ZNF714: variants seen among roughly 807,000 people sequenced by gnomAD.
ZNF714 encodes the protein zinc finger protein 714.
In ZNF714, 32 loss-of-function variants were observed where a neutral mutation model predicts 46.2. That is an observed-to-expected ratio of 0.69 (90% CI 0.52 to 0.93). The LOEUF (loss-of-function observed/expected upper bound fraction) is 0.93. Among genes scored for constraint, ZNF714 ranks in the 40% least tolerant of loss-of-function variants. ZNF714 has a pLI of 0.00. For missense variants in ZNF714, 635 were observed against 646.3 expected, an observed-to-expected ratio of 0.98 and a Z score of 0.19; for synonymous variants, 199 against 213.1, an observed-to-expected ratio of 0.93 and a Z score of 0.58.
At chr19:21,114,198 G>C (rs1168427510) in intron 4 of ZNF714, among the ~76,000 whole-genome samples, 1 of 151,970 alleles carries the variant, frequency 6.6e-6, no homozygotes, top group Admixed American at 6.6e-5. Context: ...CAGCACTTTG[G>C]GAGGCCAAGG....
At chr19:21,088,926 T>A (rs1423704136) in intron 2 of ZNF714, among the ~76,000 whole-genome samples, 1 of 152,176 alleles carries the variant, frequency 6.6e-6, no homozygotes, top group African/African-American at 2.4e-5. Context: ...AAGGGAAGTC[T>A]TATTTCTCAG....
intron 4 of ZNF714, among the ~76,000 whole-genome samples, chr19:21,113,677 T>C (rs1969516871): frequency 1.3e-5 from 2 of 151,956 alleles, no homozygotes; most frequent in African/African-American, 4.8e-5. Flanking sequence ...TGGCTAATTT[T>C]TTTTGTATTT....
At chr19:21,116,376 C>T (rs571099361) in intron 4 of ZNF714, among the ~76,000 whole-genome samples, 15 of 152,012 alleles carry the variant, frequency 9.9e-5, no homozygotes, top group Admixed American at 6.6e-4. Flanking sequence ...CTTTATGTTA[C>T]GGGAGACCAG....
chr19:21,121,149 A>T lies in ZNF714; in HGVS notation c.*2817A>T, dbSNP rs1946738623. ...CGGGTTCACGCCATTTTCCTGCCTC[A>T]GCCTCCCAAGCAGCTAGGACTACAG... On this transcript the variant is annotated 3_prime_UTR_variant, in exon 5 of 5. Transcript: ENST00000456283. The T allele has an allele frequency of 6.6e-6, 1 of 152,178 alleles. No individual in the cohort carries two copies. The highest frequency in any genetic ancestry group is 2.4e-5 in the African/African-American group (1 of 41,424). The allele number at this position is 152,178 out of a possible 1,614,324, so 9.4% of individuals were successfully genotyped here.
rs1444753389 is a variant in ZNF714, at chr19:21,117,845, A to G, written c.1181A>G (p.Glu394Gly). The G allele has an allele frequency of 1.2e-6, 2 of 1,612,360 alleles. No individual in the cohort carries two copies. Among genetic ancestry groups the G allele is most frequent in the East Asian group, 2.2e-5 (1 of 44,858 alleles). ...LTIHKIIHTG[E>G]KPYKCEECGK... The stretch of plus-strand genomic sequence containing the variant: ...ATACATAAGATAATTCATACTGGAG[A>G]GAAACCTTACAAATGTGAAGAATGT... The change falls in exon 5 of 5, where the codon GAG (glutamate) becomes GGG (glycine). Residue 394 changes from glutamate (E) to glycine (G), a missense_variant. Physicochemically the swap from Glu to Gly is moderately conservative, Grantham distance 98. Coordinates refer to ENST00000456283, the MANE Select transcript of ZNF714 (RefSeq NM_182515.4).
In ZNF714 at chr19:21,093,810, C is replaced by T. The variant is rs145918150; in HGVS notation, c.-84-4375C>T. Among the ~76,000 whole-genome samples, 637 of 147,842 alleles carry T rather than the reference C, an allele frequency of 4.3e-3. 6 individuals carry two copies. Among genetic ancestry groups the T allele is most frequent in the African/African-American group, 0.015 (585 of 40,132 alleles). ...ATACCCAGTTAACTTCTTTTTCTAT[C>T]GTTTGTAGAGATGGGGTTTTGTCAT... On this transcript the variant is annotated intron_variant, in intron 2 of 4. Coordinates refer to ENST00000456283, the MANE Select transcript of ZNF714 (RefSeq NM_182515.4).
chr19:21,096,760 A>T (rs1004927006), intron 2 of ZNF714, among the ~76,000 whole-genome samples: 4 of 152,194 alleles, frequency 2.6e-5, no homozygotes, highest in African/African-American at 9.7e-5. Context: ...CTTAGTAAAG[A>T]TGGAGAACAT....
chr19:21,098,997 A>C (rs1969108923), intron 4 of ZNF714, 87 bp downstream of exon 4: 10 of 827,530 alleles, frequency 1.2e-5, no homozygotes, highest in Non-Finnish European at 1.6e-5. Context: ...TTACAATGTG[A>C]TTTGGGAAGC....
rs139038996 is a variant in ZNF714 at position 21,119,400 on chromosome 19, TA to T, written c.*1078del. On this transcript the variant is annotated 3_prime_UTR_variant, in exon 5 of 5. Transcript: ENST00000456283. ...ACAGAGCAAGACTCCATCTAAAAAG[TA>T]AAAAAAAAAGAAAATATGAACTTTA... is the stretch of plus-strand genomic sequence containing the variant. 5.9e-3 allele frequency: 934 copies of T among 159,248 alleles called. 2 individuals are homozygous for T. The highest frequency in any genetic ancestry group is 0.014 in the South Asian group (103 of 7,282). The allele number at this position is 159,248 out of a possible 1,614,324, so 9.9% of individuals were successfully genotyped here. A position where few individuals can be genotyped will look rare whatever the true frequency, so the allele number is the denominator to read the frequency against.
chr19:21,098,988 T>A (rs1030491669), intron 4 of ZNF714, 78 bp downstream of exon 4: 16 of 847,788 alleles, frequency 1.9e-5, no homozygotes, highest in Non-Finnish European at 2.8e-5. Context: ...AGCCGGCCCT[T>A]ACAATGTGAT....
At chr19:21,086,654 T>C (rs1373655817) in intron 2 of ZNF714, among the ~76,000 whole-genome samples, 3 of 152,222 alleles carry the variant, frequency 2.0e-5, no homozygotes, top group Non-Finnish European at 4.4e-5. Flanking sequence ...TTAAAACTTG[T>C]ATCTTTTGCT....
intron 4 of ZNF714, among the ~76,000 whole-genome samples, chr19:21,105,291 G>A (rs890209347): frequency 1.3e-5 from 2 of 151,622 alleles, no homozygotes; most frequent in Non-Finnish European, 2.9e-5. Context: ...AAAGTGCTGG[G>A]ATTACCTGCG....
At position 21,100,934 on chromosome 19, in the gene ZNF714, G is replaced by C. The variant is rs772909005; in HGVS notation, c.142+2024G>C. Among the ~76,000 whole-genome samples, 20 of 152,082 alleles carry C rather than the reference G, an allele frequency of 1.3e-4. 1 individual carries two copies. Among genetic ancestry groups the C allele is most frequent in the Admixed American group, 6.5e-4 (10 of 15,268 alleles). ...CTATGTTGGCCAGGCTGTTCTTGAA[G>C]TCCTGACCTCGTGATTTGCCCGCCT... On this transcript the variant is annotated intron_variant, in intron 4 of 4. Transcript: ENST00000456283.
chr19:21,089,845 C>T (rs1268974422), intron 2 of ZNF714, among the ~76,000 whole-genome samples: 1 of 119,810 alleles, frequency 8.3e-6, no homozygotes. Context: ...ATTTTTTTTA[C>T]CATTCATTCC....
intron 4 of ZNF714, among the ~76,000 whole-genome samples, chr19:21,108,785 G>C (rs183694007): frequency 5.5e-4 from 84 of 152,184 alleles, no homozygotes; most frequent in Admixed American, 1.4e-3. Flanking sequence ...TCTGTTTTCT[G>C]TTTTCTTATT....
chr19:21,100,253 G>A (rs946951728), intron 4 of ZNF714, among the ~76,000 whole-genome samples: 3 of 151,964 alleles, frequency 2.0e-5, no homozygotes, highest in Non-Finnish European at 4.4e-5. Flanking sequence ...GCCAGCCGCA[G>A]TGTCTCACAC....
Position 21,117,779 on chromosome 19 carries a change from A to T in ZNF714, c.1115A>T (p.Glu372Val). The T allele has an allele frequency of 6.2e-7, 1 of 1,613,668 alleles. No homozygotes were observed. The highest frequency in any genetic ancestry group is 8.5e-7 in the Non-Finnish European group (1 of 1,179,944). Reference sequence around the variant, plus strand: ...ACTGGAGAGAAACCCTACAAATGTGAAGAATGTGGCAAAGCCTTTAACCAC... The same window carrying T: ...ACTGGAGAGAAACCCTACAAATGTGTAGAATGTGGCAAAGCCTTTAACCAC... ...IHTGEKPYKCEECGKAFNHSS... is the reference protein window; with the variant it reads ...IHTGEKPYKCVECGKAFNHSS... Residue 372 changes from glutamate to valine, a missense_variant, in exon 5 of 5, where the codon GAA (glutamate) becomes GTA (valine). Glu to Val is a moderately radical substitution (Grantham distance 121). Transcript: ENST00000456283.
rs144930575 is a variant in ZNF714, at chr19:21,099,871, G to T, written c.142+961G>T. 4.9e-3 allele frequency among the ~76,000 whole-genome samples: 744 copies of T among 152,186 alleles called. 9 individuals are homozygous for T. The highest frequency in any genetic ancestry group is 0.017 in the African/African-American group (704 of 41,534). On this transcript the variant is annotated intron_variant, in intron 4 of 4. Transcript: ENST00000456283. ...CATAGACATGAAATTTTGTGTTGTT[G>T]TTGAGACAGAGTCTCGCTCTGTCAC... is the stretch of plus-strand genomic sequence containing the variant.
In ZNF714 at chr19:21,116,950, A is replaced by G. The variant is rs370765701; in HGVS notation, c.286A>G (p.Lys96Glu). ...RKGSANVVEC[K>E]VYKKGYNELN... ...AGGCTCCGCAAATGTGGTTGAGTGT[A>G]AGGTGTACAAAAAAGGTTATAATGA... Residue 96 changes from lysine (K) to glutamate (E), a missense_variant, in exon 5 of 5, where the codon AAG (lysine) becomes GAG (glutamate). By Grantham distance (56) the Lys-to-Glu change is moderately conservative. Coordinates refer to ENST00000456283, the MANE Select transcript of ZNF714 (RefSeq NM_182515.4). The G allele has an allele frequency of 3.5e-5, 56 of 1,611,068 alleles. No homozygotes were observed. The African/African-American group carries it at 6.2e-4, about 18-fold the overall frequency.
Sources: gnomAD v4.1 joint callset for allele counts (sites outside exome capture counted in the v4.1 genomes callset) on GRCh38, gnomAD v4.1.1 for gene constraint, MANE v1.5 for transcripts, NCBI Gene and HGNC (gene_info 2026-07-23, HGNC 2026-07-21) for gene names.